VTI1A: variants seen among roughly 807,000 people sequenced by gnomAD.
VTI1A encodes vesicle transport through interaction with t-SNAREs 1A.
A neutral mutation model predicts 34.9 loss-of-function variants in VTI1A; 22 were observed. That is an observed-to-expected ratio of 0.63 (90% CI 0.45 to 0.90). The LOEUF is 0.90. Among genes scored for constraint, VTI1A ranks in the 40% least tolerant of loss-of-function variants. The pLI is 0.00. For missense variants in VTI1A, 268 were observed against 275.6 expected, an observed-to-expected ratio of 0.97 and a Z score of 0.20; for synonymous variants, 87 against 97.3, an observed-to-expected ratio of 0.89 and a Z score of 0.62.
Position 112,756,382 on chromosome 10 carries a change from C to G in VTI1A, c.561-58908C>G, listed in dbSNP as rs115351860. Among the ~76,000 whole-genome samples the G allele has an allele frequency of 3.1e-3, 473 of 152,302 alleles. 4 individuals are homozygous for G. The highest frequency in any genetic ancestry group is 0.011 in the African/African-American group (447 of 41,572). On this transcript the variant is annotated intron_variant, in intron 7 of 7. Transcript: ENST00000393077. Reference sequence around the variant, plus strand: ...GCAAACAAAATCAGCCATTCAGTTCCACGCAGCATTTACACTTAGGCAGGC... The same window carrying G: ...GCAAACAAAATCAGCCATTCAGTTCGACGCAGCATTTACACTTAGGCAGGC...
intron 5 of VTI1A, among the ~76,000 whole-genome samples, chr10:112,662,507 T>C (rs1224636585): frequency 1.3e-5 from 2 of 152,218 alleles, no homozygotes; most frequent in Non-Finnish European, 2.9e-5. Flanking sequence ...GGTTTCTTTT[T>C]AGAATTTCCA....
At chr10:112,701,693 A>C (rs1208488067) in intron 7 of VTI1A, among the ~76,000 whole-genome samples, 1 of 152,248 alleles carries the variant, frequency 6.6e-6, no homozygotes, top group Admixed American at 6.5e-5. Flanking sequence ...GAACAAAAAA[A>C]GTCCTACATT....
chr10:112,539,088 G>T (rs1850764362), intron 5 of VTI1A, among the ~76,000 whole-genome samples: 1 of 152,128 alleles, frequency 6.6e-6, no homozygotes, highest in Admixed American at 6.5e-5. Flanking sequence ...CACCTTAGTA[G>T]TCATCAGTTT....
At chr10:112,447,958 C>G (rs1846993550) in intron 1 of VTI1A, among the ~76,000 whole-genome samples, 1 of 152,108 alleles carries the variant, frequency 6.6e-6, no homozygotes, top group Non-Finnish European at 1.5e-5. Context: ...GCCTCTTAAC[C>G]CGGGAGGCGG....
chr10:112,463,276 T>C (rs1340643769), intron 2 of VTI1A, among the ~76,000 whole-genome samples: 1 of 152,192 alleles, frequency 6.6e-6, no homozygotes, highest in African/African-American at 2.4e-5. Context: ...TGCTATCTTG[T>C]ATAGTGCTTG....
the VTI1A span, among the ~76,000 whole-genome samples, chr10:112,837,996 G>A: frequency 6.6e-6 from 1 of 152,232 alleles, no homozygotes; most frequent in African/African-American, 2.4e-5. Flanking sequence ...CAACCTTCAT[G>A]TTCTCCATTT....
upstream of VTI1A, chr10:112,447,103 G>T (rs988072946): frequency 2.9e-5 from 14 of 479,538 alleles, no homozygotes; most frequent in South Asian, 1.8e-4. Context: ...ACGCTTTTCT[G>T]GGGGGAGGCA....
intron 3 of VTI1A, among the ~76,000 whole-genome samples, chr10:112,515,530 A>T (rs577956151): frequency 6.6e-6 from 1 of 152,028 alleles, no homozygotes; most frequent in Admixed American, 6.6e-5. Context: ...CTTTATGGAT[A>T]TTGAAGACAT....
chr10:112,736,531 T>G (rs1447491126), intron 7 of VTI1A, among the ~76,000 whole-genome samples: 1 of 152,100 alleles, frequency 6.6e-6, no homozygotes, highest in East Asian at 1.9e-4. Flanking sequence ...TTAGGTTGGT[T>G]GGGACAAGCG....
At chr10:112,845,290 G>GCATGCACAGAC in the VTI1A span, among the ~76,000 whole-genome samples, 1 of 152,310 alleles carries the variant, frequency 6.6e-6, no homozygotes, top group East Asian at 1.9e-4. Flanking sequence ...CAGACACAGA[G>GCATGCACAGAC]CATGCACAGA....
intron 5 of VTI1A, among the ~76,000 whole-genome samples, chr10:112,637,561 A>G (rs1846403880): frequency 6.6e-6 from 1 of 152,108 alleles, no homozygotes; most frequent in Non-Finnish European, 1.5e-5. Flanking sequence ...TAGGAGGCTG[A>G]GGCAGGAGAG....
At chr10:112,534,508 G>T (rs185615786) in intron 4 of VTI1A, among the ~76,000 whole-genome samples, 127 of 151,798 alleles carry the variant, frequency 8.4e-4, no homozygotes, top group Non-Finnish European at 1.5e-3. Flanking sequence ...TTTTTTATTG[G>T]TATGTCATCA....
At chr10:112,477,644 A>G (rs988892807) in intron 3 of VTI1A, among the ~76,000 whole-genome samples, 3 of 152,188 alleles carry the variant, frequency 2.0e-5, no homozygotes, top group African/African-American at 7.2e-5. Flanking sequence ...TATGCTTTGG[A>G]AAGTCACATT....
intron 5 of VTI1A, among the ~76,000 whole-genome samples, chr10:112,627,955 A>G (rs891863379): frequency 2.6e-5 from 4 of 152,236 alleles, no homozygotes; most frequent in African/African-American, 7.2e-5. Context: ...ATATTTAGGC[A>G]GAGAACAGAG....
At chr10:112,802,419 G>A (rs1457376469) in intron 7 of VTI1A, among the ~76,000 whole-genome samples, 2 of 152,218 alleles carry the variant, frequency 1.3e-5, no homozygotes, top group Non-Finnish European at 2.9e-5. Flanking sequence ...GGCTGGAGAA[G>A]TGGGTTGAGG....
intron 7 of VTI1A, among the ~76,000 whole-genome samples, chr10:112,675,634 G>A (rs1021330248): frequency 6.6e-6 from 1 of 152,228 alleles, no homozygotes; most frequent in African/African-American, 2.4e-5. Flanking sequence ...CCGTGCAGCA[G>A]AAGAATCTAT....
intron 3 of VTI1A, among the ~76,000 whole-genome samples, chr10:112,499,020 A>C (rs952076648): frequency 1.3e-5 from 2 of 152,312 alleles, no homozygotes; most frequent in East Asian, 3.9e-4. Context: ...CAAAGGCTTA[A>C]ATGAAGAAAT....
chr10:112,517,709 C>G (rs1849836570), intron 3 of VTI1A, among the ~76,000 whole-genome samples: 1 of 152,018 alleles, frequency 6.6e-6, no homozygotes, highest in Non-Finnish European at 1.5e-5. Context: ...ATATATGACT[C>G]CAATCTAGTC....
chr10:112,467,853 T>C (rs1213735066), intron 3 of VTI1A, among the ~76,000 whole-genome samples: 1 of 152,210 alleles, frequency 6.6e-6, no homozygotes, highest in East Asian at 1.9e-4. Flanking sequence ...TTGAGTACTA[T>C]GGTGTGTCAG....
Sources: allele counts gnomAD v4.1 joint callset (sites outside exome capture counted in the v4.1 genomes callset), GRCh38; gene constraint gnomAD v4.1.1; transcripts MANE v1.5; gene names NCBI Gene and HGNC (gene_info 2026-07-23, HGNC 2026-07-21).